Variants in MYO10 observed in about 807,000 individuals in gnomAD.
The protein encoded by MYO10 is unconventional myosin-X.
MYO10 carries 133 observed loss-of-function variants against 257.3 expected under a neutral mutation model. The ratio of observed to expected loss-of-function variants is 0.52; its 90% CI spans 0.45 to 0.60. MYO10 has a LOEUF of 0.60. MYO10 is among the 20% of genes least tolerant of loss of function. MYO10 has a pLI of 0.00. For synonymous variants in MYO10, 1,104 were observed against 1,028.6 expected, an observed-to-expected ratio of 1.07 and a Z score of -1.40; for missense variants, 2,399 against 2,635.7, an observed-to-expected ratio of 0.91 and a Z score of 1.97.
chr5:16,673,750 A>T lies in MYO10; in HGVS notation c.5104T>A (p.Ser1702Thr). 6.2e-7 allele frequency: 1 copy of T among 1,613,910 alleles called. No homozygotes were observed. The highest frequency in any genetic ancestry group is 8.5e-7 in the Non-Finnish European group (1 of 1,179,880). Residue 1702 changes from serine (S) to threonine (T), a missense_variant, in exon 36 of 41, where the codon TCC (serine) becomes ACC (threonine). Coordinates refer to ENST00000513610, the MANE Select transcript of MYO10 (RefSeq NM_012334.3). ...CCGCCGCCATGGCAATAGACCGTGG[A>T]TGTCATTTCCTGCCTGTGGATCAGA... ...EALIHRQEMTSTVYCHGGGSC... is the reference protein window; with the variant it reads ...EALIHRQEMTTTVYCHGGGSC...
Position 16,666,775 on chromosome 5 carries a change from G to A in MYO10, c.6094C>T (p.Leu2032Phe), listed in dbSNP as rs1736189753. Residue 2032 changes from leucine to phenylalanine, a missense_variant, in exon 41 of 41, where the codon CTC becomes TTC. Physicochemically the swap from Leu to Phe is conservative, Grantham distance 22. This residue lies in a region of MYO10 where 1,820 missense variants were observed against 1,939.4 expected (regional missense o/e 0.94). Transcript: ENST00000513610. ...ATCATGCTGATGTAGGCTTTCATGA[G>A]CTTGGCCACATCCACCACCTGCCCA... ...ETSEVVDVAK[L>F]MKAYISMIVK... The A allele has an allele frequency of 1.9e-6, 3 of 1,604,914 alleles. No individual in the cohort carries two copies. Among genetic ancestry groups the A allele is most frequent in the Non-Finnish European group, 1.7e-6 (2 of 1,177,086 alleles).
rs377403951 is a variant in MYO10 at position 16,900,636 on chromosome 5, A to G, written c.22-22929T>C. On this transcript the variant is annotated intron_variant, in intron 1 of 40. Coordinates refer to ENST00000513610, the MANE Select transcript of MYO10 (RefSeq NM_012334.3). ...AGGCCATCTGTTCTCACCACCTCCCAGGTCCAATTCCTCTCCCTAGTCCCC... is the reference window on the plus strand; with the variant it reads ...AGGCCATCTGTTCTCACCACCTCCCGGGTCCAATTCCTCTCCCTAGTCCCC... Among the ~76,000 whole-genome samples, 16 of 151,972 alleles carry G rather than the reference A, an allele frequency of 1.1e-4. No individual in the cohort carries two copies. In the East Asian group the frequency reaches 1.5e-3, roughly 15 times the overall value.
At chr5:16,775,775 G>A (rs1224797464) in intron 9 of MYO10, among the ~76,000 whole-genome samples, 1 of 152,040 alleles carries the variant, frequency 6.6e-6, no homozygotes, top group Non-Finnish European at 1.5e-5. Flanking sequence ...GCTAATTTTT[G>A]TATTTTTAGT....
chr5:16,723,941 G>A (rs540827864), intron 19 of MYO10, among the ~76,000 whole-genome samples: 1 of 152,316 alleles, frequency 6.6e-6, no homozygotes, highest in South Asian at 2.1e-4. Flanking sequence ...GTGGTTGCCA[G>A]GGGTCGGGGG....
chr5:16,721,754 T>C (rs940715242), intron 19 of MYO10, among the ~76,000 whole-genome samples: 5 of 152,136 alleles, frequency 3.3e-5, no homozygotes, highest in African/African-American at 1.2e-4. Flanking sequence ...CTGCAGGCGC[T>C]TACCTCGGAC....
intron 2 of MYO10, among the ~76,000 whole-genome samples, chr5:16,823,693 C>T (rs75003183): frequency 0.18 from 27,437 of 149,754 alleles, 2,596 homozygotes; most frequent in African/African-American, 0.23. Flanking sequence ...AGGATGGTCT[C>T]GAACTCCTGA....
chr5:16,710,798 C>G, intron 21 of MYO10, 110 bp downstream of exon 21: 1 of 892,018 alleles, frequency 1.1e-6, no homozygotes, highest in Non-Finnish European at 1.7e-6. Context: ...AGTATCTTCC[C>G]AATGTGAAAG....
intron 19 of MYO10, chr5:16,738,187 G>A (rs959245129): frequency 2.0e-6 from 2 of 985,338 alleles, no homozygotes; most frequent in African/African-American, 3.5e-5. Flanking sequence ...AGCCCAGCGA[G>A]TGAGAAACTG....
chr5:16,665,503 G>A lies in MYO10; in HGVS notation c.*1189C>T, dbSNP rs1014687684. 1 of 152,124 alleles carries A rather than the reference G, an allele frequency of 6.6e-6. No individual in the cohort carries two copies. Among genetic ancestry groups the A allele is most frequent in the African/African-American group, 2.4e-5 (1 of 41,434 alleles). The allele number at this position is 152,124 out of a possible 1,614,324, so 9.4% of individuals were successfully genotyped here. A position where few individuals can be genotyped will look rare whatever the true frequency, so the allele number is the denominator to read the frequency against. On this transcript the variant is annotated 3_prime_UTR_variant, in exon 41 of 41. Transcript: ENST00000513610. Reference sequence around the variant, plus strand: ...GTCATAAATGCTGATTTATTTACAGGTGCCTTGTTCAGACCACCATTATAA... The same window carrying A: ...GTCATAAATGCTGATTTATTTACAGATGCCTTGTTCAGACCACCATTATAA...
intron 3 of MYO10, among the ~76,000 whole-genome samples, chr5:16,811,806 C>A (rs1374121526): frequency 2.0e-5 from 3 of 152,200 alleles, no homozygotes; most frequent in Non-Finnish European, 4.4e-5. Context: ...CCGCCTCAGC[C>A]TCCCAAAGAG....
chr5:16,762,489 C>A (rs1185446957), intron 15 of MYO10, 56 bp downstream of exon 15: 1 of 1,393,512 alleles, frequency 7.2e-7, no homozygotes. Context: ...GGTGTGTAAT[C>A]CCAACCCACA....
chr5:16,691,698 C>A (rs1396903732), intron 27 of MYO10, among the ~76,000 whole-genome samples: 109 of 134,118 alleles, frequency 8.1e-4, no homozygotes, highest in African/African-American at 2.4e-3. Context: ...GACTCTGTAT[C>A]AAAAAAAAAA....
intron 1 of MYO10, among the ~76,000 whole-genome samples, chr5:16,930,484 G>T (rs1163352206): frequency 2.0e-5 from 3 of 152,160 alleles, no homozygotes; most frequent in Non-Finnish European, 2.9e-5. Flanking sequence ...AAATGTACAG[G>T]CTGAAAAAGA....
intron 1 of MYO10, among the ~76,000 whole-genome samples, chr5:16,893,938 G>A (rs973773648): frequency 1.1e-4 from 16 of 152,150 alleles, no homozygotes; most frequent in African/African-American, 3.6e-4. Context: ...CAGAGTGTGT[G>A]ACAAGCCAGC....
chr5:16,840,788 C>A (rs746480900), intron 2 of MYO10, among the ~76,000 whole-genome samples: 1 of 151,896 alleles, frequency 6.6e-6, no homozygotes, highest in Non-Finnish European at 1.5e-5. Flanking sequence ...AAAACCAATA[C>A]ATGAGAGAAA....
At chr5:16,738,217 T>C (rs1739883548) in intron 19 of MYO10, 1 of 985,164 alleles carries the variant, frequency 1.0e-6, no homozygotes, top group Non-Finnish European at 1.2e-6. Flanking sequence ...CCCGAGGCCA[T>C]GCCTACCTCC....
chr5:16,878,899 G>A (rs1019029485), intron 1 of MYO10, among the ~76,000 whole-genome samples: 1 of 151,806 alleles, frequency 6.6e-6, no homozygotes, highest in Non-Finnish European at 1.5e-5. Context: ...TTCGGGTGAT[G>A]GGTGCGCCAG....
intron 1 of MYO10, among the ~76,000 whole-genome samples, chr5:16,920,887 G>A (rs1425394322): frequency 6.6e-6 from 1 of 152,148 alleles, no homozygotes; most frequent in Non-Finnish European, 1.5e-5. Context: ...GGAGGCTGAG[G>A]TGGGCGAATC....
At chr5:16,748,527 A>T (rs1162707721) in intron 19 of MYO10, among the ~76,000 whole-genome samples, 5 of 111,154 alleles carry the variant, frequency 4.5e-5, no homozygotes, top group African/African-American at 1.7e-4. Context: ...AAGCGCTGGG[A>T]TTACAGGTGT....
Sources: gnomAD v4.1 joint callset for allele counts (sites outside exome capture counted in the v4.1 genomes callset) on GRCh38, gnomAD v4.1.1 for gene constraint, gnomAD v4.1.1 regional missense constraint, MANE v1.5 for transcripts, NCBI Gene and HGNC (gene_info 2026-07-23, HGNC 2026-07-21) for gene names.